The following CAPN15 variants were observed in gnomAD, a reference collection of about 807,000 sequenced individuals.
CAPN15 encodes calpain 15, also known as calpain-15.
A neutral mutation model predicts 97.9 loss-of-function variants in CAPN15; 53 were observed. The ratio of observed to expected loss-of-function variants is 0.54; its 90% CI spans 0.43 to 0.68. The LOEUF (loss-of-function observed/expected upper bound fraction) is 0.68, where lower values mean the gene tolerates loss of function less well. Ranked by LOEUF, CAPN15 falls within the 30% of genes least tolerant of loss-of-function variation. The probability of loss-of-function intolerance (pLI) is 0.00; values close to 1 mark genes in which losing one functional copy is unlikely to be tolerated. For synonymous variants in CAPN15, 922 were observed against 722.5 expected (o/e 1.28, Z -4.43); for missense variants, 1,592 against 1,589.8 (o/e 1.00, Z -0.02).
Position 551,348 on chromosome 16 carries a change from G to A in CAPN15, c.2113G>A (p.Asp705Asn), listed in dbSNP as rs1393501118. The change falls in exon 8 of 14, where the codon GAT becomes AAT. Residue 705 changes from aspartate (D) to asparagine (N), a missense_variant. Asp to Asn is a conservative substitution (Grantham distance 23). This residue lies in a region of CAPN15 where 644 missense variants were observed against 699.6 expected (regional missense o/e 0.92). Transcript: ENST00000219611. Reference sequence around the variant, plus strand: ...TGGCGGGGGCAACATGAAGGTGGACGATTCGGCCTACGAGAGCCTGGGCCT... The same window carrying A: ...TGGCGGGGGCAACATGAAGGTGGACAATTCGGCCTACGAGAGCCTGGGCCT... The part of the protein sequence containing the change: ...SCGGGNMKVD[D>N]SAYESLGLRP... 3.7e-6 allele frequency: 6 copies of A among 1,608,250 alleles called. No homozygotes were observed. The highest frequency in any genetic ancestry group is 1.3e-5 in the African/African-American group (1 of 74,884).
intron 2 of CAPN15, among the ~76,000 whole-genome samples, chr16:534,350 C>T (rs1172660351): frequency 5.9e-5 from 9 of 152,058 alleles, no homozygotes; most frequent in Non-Finnish European, 7.4e-5. Context: ...GCACGGCCCC[C>T]ACCGCTATCC....
At chr16:548,917 TG>T (rs1301577859) in intron 4 of CAPN15, 75 bp from the exon 5 acceptor site, 6 of 1,387,322 alleles carry the variant, frequency 4.3e-6, no homozygotes, top group Middle Eastern at 2.0e-4. Flanking sequence ...GGCGCTCTCC[TG>T]GGTGGGGTCT....
rs771759007 is a variant in CAPN15, at chr16:547,433, G to A, written c.595G>A (p.Ala199Thr). The A allele has an allele frequency of 8.8e-6, 14 of 1,582,074 alleles. No homozygotes were observed. The highest frequency in any genetic ancestry group is 3.4e-5 in the South Asian group (3 of 88,938). ...GGCCGGCTTCCACGTCGTGCCTGCC[G>A]CGCCTCCACCTGGCCTCCCCGGGGA... ...APAGFHVVPAAPPPGLPGEGA... is the reference protein window; with the variant it reads ...APAGFHVVPATPPPGLPGEGA... Residue 199 changes from alanine (A) to threonine (T), a missense_variant, in exon 4 of 14, where the codon GCG becomes ACG. Ala to Thr is a moderately conservative substitution (Grantham distance 58). Around this residue, in one of 3 missense-constraint regions of CAPN15, gnomAD observed 883 missense variants for 776.6 expected, o/e 1.14. Transcript: ENST00000219611.
At chr16:541,021 T>C (rs2034075397) in intron 3 of CAPN15, among the ~76,000 whole-genome samples, 1 of 152,208 alleles carries the variant, frequency 6.6e-6, no homozygotes, top group African/African-American at 2.4e-5. Context: ...GTGGCCGCCG[T>C]TGCTCTCACA....
chr16:533,813 C>A, intron 1 of CAPN15, 133 bp from the exon 2 acceptor site: 1 of 254,020 alleles, frequency 3.9e-6, no homozygotes, highest in East Asian at 1.8e-4. Context: ...GCTTCTAAGG[C>A]GAAGGGTCTC....
chr16:541,587 G>A (rs1456716927), intron 3 of CAPN15, among the ~76,000 whole-genome samples: 5 of 152,348 alleles, frequency 3.3e-5, no homozygotes, highest in South Asian at 4.1e-4. Context: ...CTCCACGTGT[G>A]CCGACAACAG....
chr16:544,259 G>A (rs908591967), intron 3 of CAPN15, among the ~76,000 whole-genome samples: 1 of 152,098 alleles, frequency 6.6e-6, no homozygotes, highest in African/African-American at 2.4e-5. Context: ...AGGAGCTGCC[G>A]ACCAAGTCTG....
At chr16:541,523 C>T (rs1419575893) in intron 3 of CAPN15, among the ~76,000 whole-genome samples, 5 of 152,184 alleles carry the variant, frequency 3.3e-5, no homozygotes, top group African/African-American at 9.7e-5. Flanking sequence ...GTGGTGGCAC[C>T]GGAGCGCCTC....
At chr16:537,201 C>CT in intron 3 of CAPN15, 1 of 985,296 alleles carries the variant, frequency 1.0e-6, no homozygotes, top group East Asian at 1.1e-4. Flanking sequence ...TAGGACAGGC[C>CT]TCCCTCCTGT....
At position 528,600 on chromosome 16, in the gene CAPN15, G is replaced by C. The variant is rs533275764; in HGVS notation, c.-190+571G>C. On this transcript the variant is annotated intron_variant, in intron 1 of 13. Transcript: ENST00000219611. The stretch of plus-strand genomic sequence containing the variant: ...GAAGTTGCAAATCTGCTGTCCTCCC[G>C]CTGGCTGCAGAAGGGGCCCCTCTAG... 6 of 312,666 alleles carry C rather than the reference G, an allele frequency of 1.9e-5. No homozygotes were observed. The East Asian group carries it at 5.1e-4, about 27-fold the overall frequency. 19.4% of individuals were successfully genotyped at this position (312,666 alleles called of 1,614,324 possible).
intron 1 of CAPN15, 66 bp downstream of exon 1, chr16:528,095 C>G (rs1410795645): frequency 6.9e-6 from 1 of 145,702 alleles, no homozygotes; most frequent in East Asian, 2.0e-4. Flanking sequence ...AGCGCGGGCC[C>G]GGAGGGCGGC....
At chr16:531,029 CG>C (rs2033212084) in intron 1 of CAPN15, among the ~76,000 whole-genome samples, 2 of 152,248 alleles carry the variant, frequency 1.3e-5, no homozygotes, top group African/African-American at 4.8e-5. Flanking sequence ...GCCTCCCTGG[CG>C]GTCCTAGACG....
intron 3 of CAPN15, chr16:539,960 G>A: frequency 1.9e-6 from 1 of 531,504 alleles, no homozygotes; most frequent in Non-Finnish European, 2.4e-6. Context: ...CCTGCACTGA[G>A]ATGTCCCCTC....
intron 4 of CAPN15, among the ~76,000 whole-genome samples, chr16:548,607 C>T (rs2034767083): frequency 6.6e-6 from 1 of 152,358 alleles, no homozygotes; most frequent in Non-Finnish European, 1.5e-5. Flanking sequence ...GCGTGGAGAC[C>T]CCGCTGAAGT....
chr16:532,854 GAAAAAAA>G (rs1307303121), intron 1 of CAPN15, among the ~76,000 whole-genome samples: 1 of 105,000 alleles, frequency 9.5e-6, no homozygotes, highest in Non-Finnish European at 2.0e-5. Context: ...CTCTGTCAGA[GAAAAAAA>G]AAAAAAAAAC....
At chr16:553,126 C>G in intron 13 of CAPN15, 85 bp downstream of exon 13, 2 of 620,248 alleles carry the variant, frequency 3.2e-6, no homozygotes, top group East Asian at 3.5e-5. Context: ...CGTGCCCCCC[C>G]ACCCCTGCAC....
chr16:551,408 C>T lies in CAPN15; in HGVS notation c.2173C>T (p.Arg725Ter), dbSNP rs370342333. ...PRHAYSILDV[R>*]DVQGTRLLRL... Reference sequence around the variant, plus strand: ...GCATGCCTACTCCATCCTGGATGTCCGAGATGTCCAGGGCACCAGGTAGGG... The same window carrying T: ...GCATGCCTACTCCATCCTGGATGTCTGAGATGTCCAGGGCACCAGGTAGGG... The change falls in exon 8 of 14, where the codon CGA becomes TGA. Residue 725 changes from arginine (R) to a stop codon, truncating the protein, a stop_gained. Transcript: ENST00000219611. LOFTEE classifies it high-confidence loss of function. 29 of 1,608,994 alleles carry T rather than the reference C, an allele frequency of 1.8e-5. No homozygotes were observed. The highest frequency in any genetic ancestry group is 6.7e-5 in the East Asian group (3 of 44,762).
At chr16:543,004 T>TCG (rs1324813175) in intron 3 of CAPN15, among the ~76,000 whole-genome samples, 12 of 151,918 alleles carry the variant, frequency 7.9e-5, no homozygotes, top group Non-Finnish European at 1.6e-4. Context: ...TGAGCCAAGA[T>TCG]TGCACCACTG....
At chr16:548,930 G>T in intron 4 of CAPN15, 63 bp from the exon 5 acceptor site, 1 of 1,508,998 alleles carries the variant, frequency 6.6e-7, no homozygotes, top group Non-Finnish European at 9.2e-7. Flanking sequence ...GTGGGGTCTT[G>T]TCCCTGCCAG....
Sources: gnomAD v4.1 joint callset for allele counts (sites outside exome capture counted in the v4.1 genomes callset) on GRCh38, gnomAD v4.1.1 for gene constraint, gnomAD v4.1.1 regional missense constraint, MANE v1.5 for transcripts, NCBI Gene and HGNC (gene_info 2026-07-23, HGNC 2026-07-21) for gene names.